Variants in FCHSD2 observed in about 807,000 individuals in gnomAD.
The protein encoded by FCHSD2 is F-BAR and double SH3 domains protein 2.
Under a neutral mutation model 108.1 loss-of-function variants are expected in FCHSD2, and 38 were observed. The observed-to-expected ratio is 0.35, with a 90% confidence interval of 0.27 to 0.46. FCHSD2 has a LOEUF of 0.46. Among genes scored for constraint, FCHSD2 ranks in the 20% least tolerant of loss-of-function variants. The pLI, the probability that FCHSD2 is intolerant of heterozygous loss-of-function variation, is 1.00. For synonymous variants in FCHSD2, 279 were observed against 314.7 expected (o/e 0.89, Z 1.20); for missense variants, 751 against 897.8 (o/e 0.84, Z 2.09).
chr11:73,080,296 CAAAA>C (rs370633105), intron 3 of FCHSD2, among the ~76,000 whole-genome samples: 2 of 52,272 alleles, frequency 3.8e-5, no homozygotes, highest in African/African-American at 5.8e-5. Flanking sequence ...GACCCTGTCT[CAAAA>C]AAAAAAAAAA....
In FCHSD2 at chr11:73,141,870, G is replaced by A. The variant is rs1406057401; in HGVS notation, c.8C>T (p.Pro3Leu). 2.6e-6 allele frequency: 4 copies of A among 1,545,398 alleles called. No homozygotes were observed. Among genetic ancestry groups the A allele is most frequent in the Non-Finnish European group, 3.5e-6 (4 of 1,146,024 alleles). MQ[P>L]PPRKVKVTQE... The stretch of plus-strand genomic sequence containing the variant: ...CTGCGCCCTTACCTTCCTCGGCGGC[G>A]GCTGCATGATGCTGAAGGGACATCA... Residue 3 changes from proline (P) to leucine (L), a missense_variant, in exon 1 of 20, where the codon CCG becomes CTG. Physicochemically the swap from Pro to Leu is moderately conservative, Grantham distance 98. Transcript: ENST00000409418.
chr11:73,069,549 A>AGG (rs1470687291), intron 3 of FCHSD2, among the ~76,000 whole-genome samples: 2 of 152,130 alleles, frequency 1.3e-5, no homozygotes, highest in Non-Finnish European at 2.9e-5. Flanking sequence ...AAATAGACAC[A>AGG]GTTAAATAGA....
Position 73,039,315 on chromosome 11 carries a change from G to A in FCHSD2, c.166-23430C>T, listed in dbSNP as rs372465008. On this transcript the variant is annotated intron_variant, in intron 3 of 19. Coordinates refer to ENST00000409418, the MANE Select transcript of FCHSD2 (RefSeq NM_014824.3). ...GGCGGATCACTTGAGGTCAGGAGTT[G>A]GAGACCAGCCTAGACAAAATGGTGA... Among the ~76,000 whole-genome samples the A allele has an allele frequency of 3.3e-5, 5 of 151,972 alleles. No homozygotes were observed. The East Asian group carries it at 9.7e-4, about 29-fold the overall frequency.
At chr11:72,993,306 T>C (rs1207769922) in intron 5 of FCHSD2, among the ~76,000 whole-genome samples, 1 of 152,246 alleles carries the variant, frequency 6.6e-6, no homozygotes, top group East Asian at 1.9e-4. Flanking sequence ...TTTACACTGT[T>C]GGTGGGAATG....
At chr11:73,065,334 C>T (rs1032042254) in intron 3 of FCHSD2, among the ~76,000 whole-genome samples, 1 of 152,148 alleles carries the variant, frequency 6.6e-6, no homozygotes, top group African/African-American at 2.4e-5. Context: ...TCTCAATAAA[C>T]TGGGTATCAA....
chr11:73,033,423 T>A (rs2135453994), intron 3 of FCHSD2, among the ~76,000 whole-genome samples: 1 of 152,162 alleles, frequency 6.6e-6, no homozygotes, highest in Non-Finnish European at 1.5e-5. Context: ...GCAAAGAATT[T>A]TAGAATTATG....
intron 13 of FCHSD2, among the ~76,000 whole-genome samples, chr11:72,856,765 T>A (rs1324011536): frequency 6.6e-6 from 1 of 152,202 alleles, no homozygotes; most frequent in Non-Finnish European, 1.5e-5. Flanking sequence ...GTTAGGAGCA[T>A]AATATTCAGA....
intron 3 of FCHSD2, among the ~76,000 whole-genome samples, chr11:73,058,590 C>T (rs1304012945): frequency 1.3e-5 from 2 of 149,360 alleles, no homozygotes; most frequent in Admixed American, 6.6e-5. Flanking sequence ...AGGTTTATTT[C>T]ATTTTCCTTT....
intron 4 of FCHSD2, among the ~76,000 whole-genome samples, chr11:73,006,302 C>A (rs754611422): frequency 6.6e-6 from 1 of 152,126 alleles, no homozygotes; most frequent in South Asian, 2.1e-4. Context: ...GGCACCTTTA[C>A]ACCTAACATG....
chr11:72,901,075 C>T (rs1327747469), intron 10 of FCHSD2, among the ~76,000 whole-genome samples: 6 of 152,080 alleles, frequency 3.9e-5, no homozygotes, highest in Non-Finnish European at 7.4e-5. Flanking sequence ...AACTCAAGGA[C>T]GATTACTGTA....
chr11:72,891,677 T>C (rs777208020), intron 10 of FCHSD2, among the ~76,000 whole-genome samples: 4 of 152,216 alleles, frequency 2.6e-5, no homozygotes, highest in Non-Finnish European at 1.5e-5. Flanking sequence ...AGTCCAAGAA[T>C]AGGTTTTTGA....
At chr11:72,938,258 A>G (rs1856344289) in intron 8 of FCHSD2, among the ~76,000 whole-genome samples, 1 of 145,458 alleles carries the variant, frequency 6.9e-6, no homozygotes, top group African/African-American at 2.6e-5. Context: ...ATCTCGGCTC[A>G]CTGCAACCTC....
intron 10 of FCHSD2, among the ~76,000 whole-genome samples, chr11:72,901,582 T>C (rs1425093562): frequency 6.6e-6 from 1 of 151,998 alleles, no homozygotes; most frequent in African/African-American, 2.4e-5. Flanking sequence ...ACTACCAAGT[T>C]ATGACAGTGC....
At chr11:73,059,180 G>T (rs537699167) in intron 3 of FCHSD2, among the ~76,000 whole-genome samples, 5 of 152,170 alleles carry the variant, frequency 3.3e-5, no homozygotes, top group Non-Finnish European at 7.4e-5. Context: ...TCAACCATTT[G>T]GGATGAAAGC....
intron 12 of FCHSD2, among the ~76,000 whole-genome samples, chr11:72,879,416 A>G (rs1855034116): frequency 1.3e-5 from 2 of 152,230 alleles, no homozygotes; most frequent in South Asian, 4.1e-4. Context: ...TGAAAAGCAG[A>G]AAAACATGAG....
chr11:73,010,022 G>T (rs1416859816), intron 4 of FCHSD2, among the ~76,000 whole-genome samples: 1 of 152,070 alleles, frequency 6.6e-6, no homozygotes, highest in African/African-American at 2.4e-5. Context: ...TTTGCCATCT[G>T]GGAAACCAAT....
At position 72,843,230 on chromosome 11, in the gene FCHSD2, A is replaced by G; in HGVS notation, c.1626T>C (p.Ala542=). The change falls in exon 16 of 20, where the codon GCT becomes GCC. Residue 542 remains alanine (A), a synonymous_variant. Transcript: ENST00000409418. ...SLLSMLQSLA[A]LDSRSHTSSN... ...TGGACGTGTGTGACCGACTGTCCAA[A>G]GCGGCCAGGGACTGCAGCATGCTCA... 1 of 1,614,004 alleles carries G rather than the reference A, an allele frequency of 6.2e-7. No individual in the cohort carries two copies. The highest frequency in any genetic ancestry group is 2.2e-5 in the East Asian group (1 of 44,888).
chr11:73,035,520 T>C (rs1255062725), intron 3 of FCHSD2, among the ~76,000 whole-genome samples: 1 of 152,102 alleles, frequency 6.6e-6, no homozygotes, highest in Non-Finnish European at 1.5e-5. Context: ...AAGATAGTTA[T>C]AGTACCTACT....
chr11:72,969,169 A>C (rs888352779), intron 8 of FCHSD2, among the ~76,000 whole-genome samples: 4 of 152,196 alleles, frequency 2.6e-5, no homozygotes, highest in Non-Finnish European at 5.9e-5. Flanking sequence ...TGTCCAGTGT[A>C]GCCATGTCAA....
Sources: allele counts gnomAD v4.1 joint callset (sites outside exome capture counted in the v4.1 genomes callset), GRCh38; gene constraint gnomAD v4.1.1; transcripts MANE v1.5; gene names NCBI Gene and HGNC (gene_info 2026-07-23, HGNC 2026-07-21).